CCDC183: variants seen among roughly 807,000 people sequenced by gnomAD.
CCDC183 encodes the protein coiled-coil domain-containing protein 183.
In CCDC183, 63 loss-of-function variants were observed where a neutral mutation model predicts 65.2. The ratio of observed to expected loss-of-function variants is 0.97; its 90% CI spans 0.79 to 1.19. The LOEUF (loss-of-function observed/expected upper bound fraction) is 1.19, where lower values mean the gene tolerates loss of function less well. CCDC183 is among the 50% of genes most tolerant of loss of function. CCDC183 has a pLI of 0.00. For synonymous variants in CCDC183, 323 were observed against 276.5 expected (o/e 1.17, Z -1.67); for missense variants, 769 against 689.3 (o/e 1.12, Z -1.30).
In CCDC183 at chr9:136,799,751, C is replaced by T. The variant is rs1179678878; in HGVS notation, c.231C>T (p.Asn77=). 2 of 1,613,170 alleles carry T rather than the reference C, an allele frequency of 1.2e-6. No homozygotes were observed. The highest frequency in any genetic ancestry group is 2.2e-5 in the East Asian group (1 of 44,882). Residue 77 remains asparagine, a synonymous_variant, in exon 3 of 14, where the codon AAC becomes AAT. Coordinates refer to ENST00000338005, the MANE Select transcript of CCDC183 (RefSeq NM_001039374.5). ...CCATCTCCAAGGCCTGCGGGAAAAA[C>T]TTGCCTTTGCGACTGGCGCACTGCC... is the stretch of plus-strand genomic sequence containing the variant. ...QWTISKACGK[N]LPLRLAHCRS...
intron 6 of CCDC183, among the ~76,000 whole-genome samples, chr9:136,803,709 G>A (rs750727947): frequency 7.2e-5 from 11 of 152,298 alleles, no homozygotes; most frequent in Admixed American, 1.3e-4. Flanking sequence ...GATTGAACCC[G>A]CAAAGGTCAG....
At chr9:136,798,986 G>A (rs1847695121) in intron 1 of CCDC183, 116 bp from the exon 2 acceptor site, 3 of 1,404,136 alleles carry the variant, frequency 2.1e-6, no homozygotes, top group Non-Finnish European at 1.9e-6. Context: ...CCATGGAGGG[G>A]GCATCCCCCT....
chr9:136,805,830 A>G (rs1028971811), intron 9 of CCDC183, among the ~76,000 whole-genome samples: 1 of 152,084 alleles, frequency 6.6e-6, no homozygotes. Flanking sequence ...AATGACATCC[A>G]CAAAGCGCTT....
In CCDC183 at chr9:136,804,385, G is replaced by C. The variant is rs1012824424; in HGVS notation, c.667-117G>C. The C allele has an allele frequency of 4.8e-5, 66 of 1,378,454 alleles. No individual in the cohort carries two copies. Among genetic ancestry groups the C allele is most frequent in the Non-Finnish European group, 6.2e-5 (64 of 1,031,134 alleles). The allele number at this position is 1,378,454 out of a possible 1,614,324, so 85.4% of individuals were successfully genotyped here. On this transcript the variant is annotated intron_variant, in intron 6 of 13. Transcript: ENST00000338005. The surrounding 1 kb of genome is among the most constrained non-coding windows in gnomAD (Gnocchi z 4.1). Reference sequence around the variant, plus strand: ...AGGAAAAGGGTGTGGCCATTGGCCGGGGATGCAGTTCCAAAGTCTAGTAAG... The same window carrying C: ...AGGAAAAGGGTGTGGCCATTGGCCGCGGATGCAGTTCCAAAGTCTAGTAAG...
At position 136,806,664 on chromosome 9, in the gene CCDC183, G is replaced by A; in HGVS notation, c.1270G>A (p.Ala424Thr). 1 of 1,613,444 alleles carries A rather than the reference G, an allele frequency of 6.2e-7. No individual in the cohort carries two copies. Among genetic ancestry groups the A allele is most frequent in the Admixed American group, 1.7e-5 (1 of 60,022 alleles). The change falls in exon 11 of 14, where the codon GCG becomes ACG. Residue 424 changes from alanine (A) to threonine (T), a missense_variant. Coordinates refer to ENST00000338005, the MANE Select transcript of CCDC183 (RefSeq NM_001039374.5). ...CCGGCTGATGGGCATTAACTTGCCT[G>A]CGACCCAGGTACCGGGAGTGAGGCT... ...YVRLMGINLP[A>T]TQREVVLSNT...
intron 1 of CCDC183, among the ~76,000 whole-genome samples, chr9:136,798,083 G>A (rs910135073): frequency 3.7e-4 from 56 of 152,304 alleles, no homozygotes; most frequent in Non-Finnish European, 7.5e-4. Flanking sequence ...TCAGCACACT[G>A]CAACCTCCAC....
At chr9:136,806,473 C>G in intron 10 of CCDC183, 31 bp from the exon 11 acceptor site, 2 of 1,612,736 alleles carry the variant, frequency 1.2e-6, no homozygotes, top group Non-Finnish European at 1.7e-6. Flanking sequence ...GCCTGTGCCC[C>G]TCACTGCTGT....
chr9:136,799,641 G>C (rs2131128376), intron 2 of CCDC183, 72 bp from the exon 3 acceptor site: 1 of 1,319,828 alleles, frequency 7.6e-7, no homozygotes, highest in Non-Finnish European at 1.1e-6. Context: ...GCCCTGGGGA[G>C]AATGCCTGGA....
rs140082981 is a variant in CCDC183 at position 136,799,163 on chromosome 9, G to T, written c.132G>T (p.Thr44=). Residue 44 remains threonine (T), a synonymous_variant, in exon 2 of 14, where the codon ACG becomes ACT. Transcript: ENST00000338005. Reference sequence around the variant, plus strand: ...AGAATATGGACCAGAACAAGGCCACGCTGGCCCTCCTGCGCAGCAACATCC... The same window carrying T: ...AGAATATGGACCAGAACAAGGCCACTCTGGCCCTCCTGCGCAGCAACATCC... ...VKENMDQNKA[T]LALLRSNIRR... The T allele has an allele frequency of 3.6e-5, 58 of 1,613,064 alleles. 1 individual carries two copies. The South Asian group carries it at 5.3e-4, about 15-fold the overall frequency.
At position 136,802,725 on chromosome 9, in the gene CCDC183, C is replaced by T. The variant is rs965222386; in HGVS notation, c.605C>T (p.Ser202Leu). 7 of 1,613,582 alleles carry T rather than the reference C, an allele frequency of 4.3e-6. No homozygotes were observed. Among genetic ancestry groups the T allele is most frequent in the Non-Finnish European group, 5.1e-6 (6 of 1,179,896 alleles). Residue 202 changes from serine (S) to leucine (L), a missense_variant, in exon 6 of 14, where the codon TCA (serine) becomes TTA (leucine). Coordinates refer to ENST00000338005, the MANE Select transcript of CCDC183 (RefSeq NM_001039374.5). ...CAGAACCTCGTGGTCAACTACTGCT[C>T]AGAGCTGTCGGATATGAAGATCATG... The part of the protein sequence containing the change: ...KLQNLVVNYC[S>L]ELSDMKIMSQ...
Position 136,804,899 on chromosome 9 carries a change from C to G in CCDC183, c.847+83C>G. On this transcript the variant is annotated intron_variant, in intron 8 of 13. Coordinates refer to ENST00000338005, the MANE Select transcript of CCDC183 (RefSeq NM_001039374.5). The surrounding 1 kb of genome is among the most constrained non-coding windows in gnomAD (Gnocchi z 4.1). ...GATTCAGGCCAACGGATCAAGTCAC[C>G]CTGAGGCCAGGTGTGACATGTGGTC... 1 of 1,235,756 alleles carries G rather than the reference C, an allele frequency of 8.1e-7. No homozygotes were observed. The highest frequency in any genetic ancestry group is 1.2e-6 in the Non-Finnish European group (1 of 847,920). 76.5% of individuals were successfully genotyped at this position (1,235,756 alleles called of 1,614,324 possible). A position where few individuals can be genotyped will look rare whatever the true frequency, so the allele number is the denominator to read the frequency against.
In CCDC183 at chr9:136,805,014, G is replaced by A. The variant is rs566743635; in HGVS notation, c.847+198G>A. 94 of 608,104 alleles carry A rather than the reference G, an allele frequency of 1.5e-4. 3 individuals carry two copies. In the South Asian group the frequency reaches 1.8e-3, roughly 12 times the overall value. The allele number at this position is 608,104 out of a possible 1,614,324, so 37.7% of individuals were successfully genotyped here. ...TGTGGCCTCAGAGATGCTGGCCCCA[G>A]CACCCAAGGGCCCTGCACCAAGGGC... On this transcript the variant is annotated intron_variant, in intron 8 of 13. Coordinates refer to ENST00000338005, the MANE Select transcript of CCDC183 (RefSeq NM_001039374.5).
intron 6 of CCDC183, among the ~76,000 whole-genome samples, chr9:136,803,665 T>C (rs1847789396): frequency 6.6e-6 from 1 of 152,150 alleles, no homozygotes; most frequent in Admixed American, 6.5e-5. Flanking sequence ...GGCAGATGGC[T>C]TTCCAGGAAG....
At position 136,800,035 on chromosome 9, in the gene CCDC183, G is replaced by T; in HGVS notation, c.304G>T (p.Asp102Tyr). Residue 102 changes from aspartate to tyrosine, a missense_variant, in exon 4 of 14, where the codon GAC becomes TAC. Physicochemically the swap from Asp to Tyr is radical, Grantham distance 160. Transcript: ENST00000338005. ...VREKLRKYVFDRVNMHNLLIH... is the reference protein window; with the variant it reads ...VREKLRKYVFYRVNMHNLLIH... ...GGAGAAGCTGCGCAAGTACGTCTTC[G>T]ACCGCGTGAACATGCACAACCTACT... 1.3e-6 allele frequency: 2 copies of T among 1,589,656 alleles called. No homozygotes were observed. The highest frequency in any genetic ancestry group is 2.3e-5 in the South Asian group (2 of 87,460).
Position 136,802,711 on chromosome 9 carries a change from G to T in CCDC183, c.591G>T (p.Val197=), listed in dbSNP as rs1406133591. ...AGCTGGACAAGCTGCAGAACCTCGT[G>T]GTCAACTACTGCTCAGAGCTGTCGG... ...PIELDKLQNL[V]VNYCSELSDM... is the part of the protein sequence containing the mutation. The change falls in exon 6 of 14, where the codon GTG becomes GTT. Residue 197 remains valine, a synonymous_variant. Transcript: ENST00000338005. The T allele has an allele frequency of 6.2e-7, 1 of 1,613,518 alleles. No individual in the cohort carries two copies. Among genetic ancestry groups the T allele is most frequent in the South Asian group, 1.1e-5 (1 of 91,076 alleles).
At chr9:136,802,611 G>C in intron 5 of CCDC183, 53 bp from the exon 6 acceptor site, 1 of 1,552,400 alleles carries the variant, frequency 6.4e-7, no homozygotes, top group Non-Finnish European at 8.7e-7. Flanking sequence ...TAAAAGCTCG[G>C]GGCAACTGCA....
At chr9:136,803,118 GGGGTC>G (rs1316991866) in intron 6 of CCDC183, among the ~76,000 whole-genome samples, 2 of 64,488 alleles carry the variant, frequency 3.1e-5, no homozygotes, top group Non-Finnish European at 5.8e-5. Flanking sequence ...ATCTTCGGAT[GGGGTC>G]AAGGTGAGCT....
At chr9:136,805,161 G>C in intron 8 of CCDC183, 196 bp from the exon 9 acceptor site, 1 of 600,830 alleles carries the variant, frequency 1.7e-6, no homozygotes. Flanking sequence ...CCTCTGCTCT[G>C]GGGCTGCCTG....
At chr9:136,800,353 C>A (rs1477421249) in intron 4 of CCDC183, 36 bp from the exon 5 acceptor site, 1 of 1,567,892 alleles carries the variant, frequency 6.4e-7, no homozygotes, top group Non-Finnish European at 8.7e-7. Flanking sequence ...GCGGCCGGTC[C>A]CCACGCCCTC....
Sources: gnomAD v4.1 joint callset for allele counts (sites outside exome capture counted in the v4.1 genomes callset) on GRCh38, gnomAD v4.1.1 for gene constraint, Gnocchi (gnomAD v3.1) non-coding constraint, MANE v1.5 for transcripts, NCBI Gene and HGNC (gene_info 2026-07-23, HGNC 2026-07-21) for gene names.